Variants in MACROD2 observed in about 807,000 individuals in gnomAD.
The protein encoded by MACROD2 is mono-ADP ribosylhydrolase 2.
In MACROD2, 36 loss-of-function variants were observed where a neutral mutation model predicts 70.4. The ratio of observed to expected loss-of-function variants is 0.51; its 90% CI spans 0.39 to 0.68. The LOEUF (loss-of-function observed/expected upper bound fraction) is 0.68, where lower values mean the gene tolerates loss of function less well. MACROD2 is among the 30% of genes least tolerant of loss of function. MACROD2 has a pLI of 0.00. For synonymous variants in MACROD2, 172 were observed against 178.8 expected (o/e 0.96, Z 0.30); for missense variants, 496 against 538.4 (o/e 0.92, Z 0.78).
intron 3 of MACROD2, among the ~76,000 whole-genome samples, chr20:14,470,321 T>C (rs2084513126): frequency 6.6e-6 from 1 of 152,146 alleles, no homozygotes; most frequent in African/African-American, 2.4e-5. Flanking sequence ...GAGGGGCATC[T>C]GCCAGATGCT....
intron 8 of MACROD2, among the ~76,000 whole-genome samples, chr20:15,797,223 C>T (rs2063682411): frequency 6.6e-6 from 1 of 152,154 alleles, no homozygotes; most frequent in Admixed American, 6.5e-5. Flanking sequence ...ACGCCATTCT[C>T]CTGCCTCAGC....
intron 5 of MACROD2, among the ~76,000 whole-genome samples, chr20:14,714,322 A>G (rs1223204737): frequency 6.6e-6 from 1 of 151,778 alleles, no homozygotes; most frequent in Non-Finnish European, 1.5e-5. Context: ...ACCTCTCACC[A>G]CCCACTGGCG....
intron 8 of MACROD2, among the ~76,000 whole-genome samples, chr20:15,620,199 C>T (rs985045692): frequency 6.6e-6 from 1 of 152,120 alleles, no homozygotes; most frequent in African/African-American, 2.4e-5. Flanking sequence ...GCTTGTGAAA[C>T]TAAGTGGGTT....
At chr20:15,133,104 A>T (rs1176783264) in intron 5 of MACROD2, among the ~76,000 whole-genome samples, 1 of 152,112 alleles carries the variant, frequency 6.6e-6, no homozygotes, top group East Asian at 1.9e-4. Context: ...TTGTTCTTCA[A>T]AAGTTTTGCT....
chr20:14,557,809 G>A (rs1979140810), intron 4 of MACROD2, among the ~76,000 whole-genome samples: 2 of 151,738 alleles, frequency 1.3e-5, no homozygotes, highest in African/African-American at 2.4e-5. Context: ...TGTGAAAAAT[G>A]GTATAGCAGT....
At chr20:15,655,289 AT>A (rs987939318) in intron 8 of MACROD2, among the ~76,000 whole-genome samples, 2 of 148,446 alleles carry the variant, frequency 1.3e-5, no homozygotes, top group Non-Finnish European at 3.0e-5. Flanking sequence ...ATGTTTAGGC[AT>A]TTTATATTCA....
At chr20:15,569,795 T>G (rs2048353615) in intron 8 of MACROD2, among the ~76,000 whole-genome samples, 1 of 152,196 alleles carries the variant, frequency 6.6e-6, no homozygotes, top group Admixed American at 6.5e-5. Context: ...TTAGACAGGT[T>G]CATTCTACTG....
chr20:15,936,825 G>C (rs1295920272), intron 11 of MACROD2, among the ~76,000 whole-genome samples: 1 of 152,030 alleles, frequency 6.6e-6, no homozygotes, highest in East Asian at 1.9e-4. Flanking sequence ...AGTCACTAGG[G>C]GCTGATGACA....
At chr20:15,909,373 C>A (rs62194163) in intron 10 of MACROD2, among the ~76,000 whole-genome samples, 1 of 152,032 alleles carries the variant, frequency 6.6e-6, no homozygotes, top group African/African-American at 2.4e-5. Flanking sequence ...GGGGAGAGAA[C>A]TTAGACCCTG....
chr20:14,018,595 T>G lies in MACROD2; in HGVS notation c.163+16191T>G, dbSNP rs147559309. Among the ~76,000 whole-genome samples the G allele has an allele frequency of 3.9e-4, 59 of 152,224 alleles. 1 individual carries two copies. Among genetic ancestry groups the G allele is most frequent in the Non-Finnish European group, 7.6e-4 (52 of 68,036 alleles). On this transcript the variant is annotated intron_variant, in intron 2 of 17. Transcript: ENST00000684519. ...AAGTTATTTCTTCTTTCAGCTAAAT[T>G]CTGCTTTTGAACCCTCCCATGAATT...
intron 7 of MACROD2, among the ~76,000 whole-genome samples, chr20:15,488,121 C>G (rs1013513752): frequency 2.0e-5 from 3 of 152,026 alleles, no homozygotes; most frequent in Non-Finnish European, 4.4e-5. Flanking sequence ...TGTCAAAACC[C>G]CAAGCCAAGG....
rs143102737 is a variant in MACROD2 at position 14,119,975 on chromosome 20, G to A, written c.271+34247G>A. ...TGTAATCCCAGCAATTTGGGAGTCCGAGGTGGGTGGATCACTTGAAGTCGG... is the reference window on the plus strand; with the variant it reads ...TGTAATCCCAGCAATTTGGGAGTCCAAGGTGGGTGGATCACTTGAAGTCGG... On this transcript the variant is annotated intron_variant, in intron 3 of 17. Coordinates refer to ENST00000684519, the MANE Select transcript of MACROD2 (RefSeq NM_001351661.2). 1.1e-4 allele frequency among the ~76,000 whole-genome samples: 17 copies of A among 152,174 alleles called. No individual in the cohort carries two copies. The East Asian group carries it at 2.9e-3, about 26-fold the overall frequency.
intron 3 of MACROD2, among the ~76,000 whole-genome samples, chr20:14,180,347 TA>T (rs1168723319): frequency 6.6e-6 from 1 of 152,168 alleles, no homozygotes; most frequent in Non-Finnish European, 1.5e-5. Flanking sequence ...ATTATGTAAA[TA>T]TTTTTTGATA....
intron 8 of MACROD2, among the ~76,000 whole-genome samples, chr20:15,773,083 A>G (rs2051664225): frequency 6.6e-6 from 1 of 152,132 alleles, no homozygotes; most frequent in Non-Finnish European, 1.5e-5. Context: ...CAGAGATAGT[A>G]AAAGCCCTAC....
At chr20:15,094,277 A>G (rs369258177) in intron 5 of MACROD2, among the ~76,000 whole-genome samples, 2 of 152,150 alleles carry the variant, frequency 1.3e-5, no homozygotes, top group South Asian at 2.1e-4. Context: ...CACTTTGCAT[A>G]ATTTGTAATA....
intron 12 of MACROD2, among the ~76,000 whole-genome samples, chr20:15,940,446 G>A (rs1457449986): frequency 6.6e-6 from 1 of 152,096 alleles, no homozygotes; most frequent in East Asian, 1.9e-4. Context: ...CCATCAAACA[G>A]CATTGCATGC....
chr20:14,663,107 A>C (rs912714716), intron 4 of MACROD2, among the ~76,000 whole-genome samples: 5 of 152,130 alleles, frequency 3.3e-5, no homozygotes, highest in Admixed American at 2.0e-4. Flanking sequence ...GGTAGACTCG[A>C]TAAAGAAAAT....
At chr20:14,265,632 G>T (rs2082138183) in intron 3 of MACROD2, among the ~76,000 whole-genome samples, 1 of 152,016 alleles carries the variant, frequency 6.6e-6, no homozygotes, top group Admixed American at 6.6e-5. Flanking sequence ...CACTCTCATG[G>T]ATTTAGCAAA....
rs1158715347 is a variant in MACROD2 at position 15,151,910 on chromosome 20, G to A, written c.419-78030G>A. Among the ~76,000 whole-genome samples, 3 of 148,794 alleles carry A rather than the reference G, an allele frequency of 2.0e-5. No homozygotes were observed. The East Asian group carries it at 5.8e-4, about 29-fold the overall frequency. ...GGGACCTAGCTCTGCCTGGCGAGGA[G>A]GGGAGGGGTCAGATGGGTCTGTAGA... On this transcript the variant is annotated intron_variant, in intron 5 of 17. Coordinates refer to ENST00000684519, the MANE Select transcript of MACROD2 (RefSeq NM_001351661.2).
Sources: allele counts gnomAD v4.1 joint callset (sites outside exome capture counted in the v4.1 genomes callset), GRCh38; gene constraint gnomAD v4.1.1; transcripts MANE v1.5; gene names NCBI Gene and HGNC (gene_info 2026-07-23, HGNC 2026-07-21).